RBMS3: variants seen among roughly 807,000 people sequenced by gnomAD.
RBMS3 encodes RNA-binding motif, single-stranded-interacting protein 3.
A neutral mutation model predicts 66.8 loss-of-function variants in RBMS3; 27 were observed. The ratio of observed to expected loss-of-function variants is 0.40; its 90% confidence interval spans 0.30 to 0.56. The LOEUF (loss-of-function observed/expected upper bound fraction) is 0.56. RBMS3 is among the 20% of genes least tolerant of loss of function. The pLI is 0.40. For synonymous variants in RBMS3, 188 were observed against 183.0 expected, an observed-to-expected ratio of 1.03 and a Z score of -0.22; for missense variants, 513 against 549.5, an observed-to-expected ratio of 0.93 and a Z score of 0.66.
At position 29,988,148 on chromosome 3, in the gene RBMS3, G is replaced by T; in HGVS notation, c.1104G>T (p.Met368Ile). 1.2e-6 allele frequency: 2 copies of T among 1,611,234 alleles called. No individual in the cohort carries two copies. The highest frequency in any genetic ancestry group is 2.2e-5 in the South Asian group (2 of 91,002). The change falls in exon 13 of 15, where the codon ATG becomes ATT. Residue 368 changes from methionine to isoleucine, a missense_variant. By Grantham distance (10) the Met-to-Ile change is conservative (BLOSUM62 1). Transcript: ENST00000383767. ...TTTTCTTTGATTCTCTCTAGTATAT[G>T]ACTGCTGCTGCTCCTATGCAAGGGA... ...MILHQLLCQY[M>I]TAAAPMQGTY...
intron 1 of RBMS3, 37 bp downstream of exon 1, chr3:29,281,793 A>G (rs371547162): frequency 2.6e-6 from 4 of 1,545,588 alleles, no homozygotes; most frequent in African/African-American, 2.7e-5. Context: ...TCAGCGTGGT[A>G]TCGTTCTGCA....
chr3:29,625,297 A>AT (rs149091605), intron 4 of RBMS3, among the ~76,000 whole-genome samples: 2,433 of 152,202 alleles, frequency 0.016, 70 homozygotes, highest in African/African-American at 0.055. Context: ...TACCACAGTT[A>AT]TTTTTTTATA....
At chr3:29,399,202 C>T (rs1397543388) in intron 1 of RBMS3, among the ~76,000 whole-genome samples, 1 of 148,418 alleles carries the variant, frequency 6.7e-6, no homozygotes, top group Non-Finnish European at 1.5e-5. Flanking sequence ...CAGCTATGGC[C>T]CCACATGTGT....
intron 6 of RBMS3, among the ~76,000 whole-genome samples, chr3:29,783,541 G>A (rs564041365): frequency 6.6e-6 from 1 of 152,044 alleles, no homozygotes; most frequent in Non-Finnish European, 1.5e-5. Context: ...AACTGTTAAA[G>A]GGAGCTCTAA....
chr3:29,384,144 C>G (rs914928244), intron 1 of RBMS3, among the ~76,000 whole-genome samples: 1 of 151,888 alleles, frequency 6.6e-6, no homozygotes, highest in Non-Finnish European at 1.5e-5. Flanking sequence ...GGTGAAACAG[C>G]ATATCTACAA....
At chr3:29,302,564 T>C (rs1056110420) in intron 1 of RBMS3, among the ~76,000 whole-genome samples, 10 of 152,178 alleles carry the variant, frequency 6.6e-5, no homozygotes, top group East Asian at 1.9e-4. Context: ...TTAAAATGAA[T>C]TGATTTTATC....
intron 4 of RBMS3, among the ~76,000 whole-genome samples, chr3:29,639,578 T>C (rs2049611150): frequency 7.5e-6 from 1 of 134,156 alleles, no homozygotes; most frequent in Non-Finnish European, 1.6e-5. Flanking sequence ...CTATAGATGA[T>C]AGATAGAAGA....
At chr3:29,325,193 C>T (rs956242142) in intron 1 of RBMS3, among the ~76,000 whole-genome samples, 46 of 152,096 alleles carry the variant, frequency 3.0e-4, no homozygotes, top group African/African-American at 1.0e-3. Flanking sequence ...GAAAAAAAGA[C>T]ATAGTGCAGA....
At chr3:29,307,831 G>T (rs1254901223) in intron 1 of RBMS3, among the ~76,000 whole-genome samples, 2 of 151,810 alleles carry the variant, frequency 1.3e-5, no homozygotes, top group African/African-American at 4.8e-5. Context: ...AAGCGCTGTT[G>T]AACATAAATC....
chr3:29,507,480 A>T (rs572803368), intron 3 of RBMS3, among the ~76,000 whole-genome samples: 39 of 140,622 alleles, frequency 2.8e-4, no homozygotes, highest in African/African-American at 1.1e-3. Flanking sequence ...ACCTAGCTAT[A>T]GTATGATATT....
intron 14 of RBMS3, among the ~76,000 whole-genome samples, chr3:29,993,202 T>C (rs1698994542): frequency 6.6e-6 from 1 of 152,194 alleles, no homozygotes; most frequent in South Asian, 2.1e-4. Flanking sequence ...AGTAAAGCCA[T>C]ATGTTATTGT....
Position 29,907,424 on chromosome 3 carries a change from A to G in RBMS3, c.939+7669A>G, listed in dbSNP as rs562736652. 1.9e-4 allele frequency among the ~76,000 whole-genome samples: 29 copies of G among 152,206 alleles called. 2 individuals carry two copies. The highest frequency in any genetic ancestry group is 7.0e-4 in the African/African-American group (29 of 41,544). On this transcript the variant is annotated intron_variant, in intron 10 of 14. Coordinates refer to ENST00000383767, the MANE Select transcript of RBMS3 (RefSeq NM_001003793.3). ...TTCTTATCATAATGGATATGCCACT[A>G]TGAATTATTTTTTAATTTAGGTGTA...
At chr3:29,674,289 C>A (rs973408118) in intron 4 of RBMS3, among the ~76,000 whole-genome samples, 2 of 152,068 alleles carry the variant, frequency 1.3e-5, no homozygotes, top group Non-Finnish European at 2.9e-5. Flanking sequence ...AAACCCACAG[C>A]CAATATTATA....
At chr3:29,834,744 A>G (rs1217531140) in intron 6 of RBMS3, among the ~76,000 whole-genome samples, 2 of 152,034 alleles carry the variant, frequency 1.3e-5, no homozygotes, top group African/African-American at 2.4e-5. Flanking sequence ...CAAAACGGAC[A>G]GAAAACAATT....
chr3:29,493,266 G>C (rs757597855), intron 3 of RBMS3, among the ~76,000 whole-genome samples: 1 of 152,158 alleles, frequency 6.6e-6, no homozygotes, highest in Non-Finnish European at 1.5e-5. Context: ...ACTGAACATG[G>C]AGCTATGTAA....
chr3:29,374,370 A>G (rs1441912079), intron 1 of RBMS3, among the ~76,000 whole-genome samples: 1 of 152,232 alleles, frequency 6.6e-6, no homozygotes, highest in Non-Finnish European at 1.5e-5. Flanking sequence ...TGGTTTTGAA[A>G]CAGAGCCAAT....
intron 4 of RBMS3, among the ~76,000 whole-genome samples, chr3:29,677,506 A>T (rs538765146): frequency 8.1e-4 from 123 of 152,034 alleles, no homozygotes; most frequent in African/African-American, 2.8e-3. Context: ...TTAAAATTTG[A>T]ATATTTTTGT....
intron 1 of RBMS3, among the ~76,000 whole-genome samples, chr3:29,360,418 G>A (rs992026650): frequency 3.3e-5 from 5 of 152,028 alleles, no homozygotes; most frequent in African/African-American, 1.2e-4. Flanking sequence ...GAGACAGTTT[G>A]TTGTGCTTTC....
rs10222490 is a variant in RBMS3, at chr3:29,786,640, T to C, written c.637+23651T>C. On this transcript the variant is annotated intron_variant, in intron 6 of 14. Transcript: ENST00000383767. ...GTGCTGGCATAATTGGCAAGCCACA[T>C]GTAGAAGAATGAAACTGGATCCTCA... Among the ~76,000 whole-genome samples, 833 of 152,242 alleles carry C rather than the reference T, an allele frequency of 5.5e-3. 8 individuals carry two copies. The highest frequency in any genetic ancestry group is 0.019 in the African/African-American group (800 of 41,554).
Sources: allele counts gnomAD v4.1 joint callset (sites outside exome capture counted in the v4.1 genomes callset), GRCh38; gene constraint gnomAD v4.1.1; transcripts MANE v1.5; gene names NCBI Gene and HGNC (gene_info 2026-07-23, HGNC 2026-07-21).